Variants in ICOS observed in about 807,000 individuals in gnomAD.
ICOS encodes inducible T cell costimulator.
In ICOS, 15 loss-of-function variants were observed where a neutral mutation model predicts 24.6. The ratio of observed to expected loss-of-function variants is 0.61; its 90% CI spans 0.41 to 0.94. The LOEUF (loss-of-function observed/expected upper bound fraction) is 0.94, where lower values mean the gene tolerates loss of function less well. Ranked by LOEUF, ICOS falls within the 40% of genes least tolerant of loss-of-function variation. ICOS has a pLI of 0.00. For missense variants in ICOS, 200 were observed against 233.0 expected, an observed-to-expected ratio of 0.86 and a Z score of 0.92; for synonymous variants, 89 against 77.5, an observed-to-expected ratio of 1.15 and a Z score of -0.78.
rs1268039346 is a variant in ICOS at position 203,957,753 on chromosome 2, TGGA to T, written c.502-44_502-42del. The stretch of plus-strand genomic sequence containing the variant: ...AGAAAACAGTCAAAAAACAAAGAGA[TGGA>T]GAAGAAAAGATGACCAAGCATGTTT... On this transcript the variant is annotated intron_variant, in intron 3 of 4. Coordinates refer to ENST00000316386, the MANE Select transcript of ICOS (RefSeq NM_012092.4). 3 of 1,356,760 alleles carry T rather than the reference TGGA, an allele frequency of 2.2e-6. No individual in the cohort carries two copies. The Admixed American group carries it at 5.0e-5, about 23-fold the overall frequency. The allele number at this position is 1,356,760 out of a possible 1,614,324, so 84.0% of individuals were successfully genotyped here.
chr2:203,946,309 G>A (rs558000248), intron 1 of ICOS, among the ~76,000 whole-genome samples: 55 of 151,700 alleles, frequency 3.6e-4, no homozygotes, highest in Middle Eastern at 3.5e-3. Flanking sequence ...GGGTTGTTTT[G>A]TACCCCCTAT....
chr2:203,945,511 A>G (rs1490664856), intron 1 of ICOS, among the ~76,000 whole-genome samples: 5 of 152,146 alleles, frequency 3.3e-5, no homozygotes, highest in African/African-American at 9.7e-5. Context: ...TGTTGTGTGA[A>G]CATCATCGAG....
Position 203,956,653 on chromosome 2 carries a change from A to G in ICOS, c.395-6A>G. The G allele has an allele frequency of 6.2e-7, 1 of 1,607,200 alleles. No homozygotes were observed. Among genetic ancestry groups the G allele is most frequent in the Non-Finnish European group, 8.5e-7 (1 of 1,173,892 alleles). On this transcript the variant is annotated splice_polypyrimidine_tract_variant and splice_region_variant and intron_variant, in intron 2 of 4. Transcript: ENST00000316386. ...TTTCATTAACATACCTTTTTTTCCA[A>G]TCCAGAATCACAACTTTGTTGCCAG...
rs75219416 is a variant in ICOS at position 203,941,184 on chromosome 2, T to G, written c.58+4312T>G. On this transcript the variant is annotated intron_variant, in intron 1 of 4. Coordinates refer to ENST00000316386, the MANE Select transcript of ICOS (RefSeq NM_012092.4). ...GCTTTATTCTTCATTTCAGTCATTT[T>G]TTTCCTAGTATTTGTTTAATCATAC... is the stretch of plus-strand genomic sequence containing the variant. Among the ~76,000 whole-genome samples the G allele has an allele frequency of 8.8e-3, 1,335 of 152,320 alleles. 25 individuals carry two copies. The highest frequency in any genetic ancestry group is 0.029 in the African/African-American group (1,211 of 41,558).
chr2:203,959,284 G>T (rs1273155872), intron 4 of ICOS, among the ~76,000 whole-genome samples: 1 of 152,182 alleles, frequency 6.6e-6, no homozygotes. Flanking sequence ...AGAACAGTCA[G>T]CCCATGCAGC....
In ICOS at chr2:203,960,603, C is replaced by G. The variant is rs866710563; in HGVS notation, c.*1004C>G. The G allele has an allele frequency of 5.9e-5, 9 of 152,314 alleles. No homozygotes were observed. Among genetic ancestry groups the G allele is most frequent in the Middle Eastern group, 3.4e-3 (1 of 294 alleles). 9.4% of individuals were successfully genotyped at this position (152,314 alleles called of 1,614,324 possible). ...ATATTAAAATTGCAAACAAAATCAT[C>G]TTTAATGGGCCAGCATTCTCATGGG... On this transcript the variant is annotated 3_prime_UTR_variant, in exon 5 of 5. Transcript: ENST00000316386.
intron 1 of ICOS, among the ~76,000 whole-genome samples, chr2:203,944,009 C>T (rs569441330): frequency 6.6e-6 from 1 of 152,262 alleles, no homozygotes; most frequent in South Asian, 2.1e-4. Context: ...CTAACCGCCC[C>T]AAGTCTGTTT....
chr2:203,956,669 T>C lies in ICOS; in HGVS notation c.405T>C (p.Leu135=). ...TTTTTTCCAATCCAGAATCACAACTTTGTTGCCAGCTGAAGTTCTGGTTAC... is the reference window on the plus strand; with the variant it reads ...TTTTTTCCAATCCAGAATCACAACTCTGTTGCCAGCTGAAGTTCTGGTTAC... ...GGYLHIYESQ[L]CCQLKFWLPI... The change falls in exon 3 of 5, where the codon CTT becomes CTC. Residue 135 remains leucine, a synonymous_variant. Transcript: ENST00000316386. 6.2e-7 allele frequency: 1 copy of C among 1,612,926 alleles called. No homozygotes were observed. The highest frequency in any genetic ancestry group is 8.5e-7 in the Non-Finnish European group (1 of 1,178,976).
chr2:203,944,239 C>T (rs1689831363), intron 1 of ICOS, among the ~76,000 whole-genome samples: 1 of 152,206 alleles, frequency 6.6e-6, no homozygotes, highest in Non-Finnish European at 1.5e-5. Context: ...CCCTGCTCCT[C>T]TGGCCACCCT....
intron 3 of ICOS, 94 bp from the exon 4 acceptor site, chr2:203,957,705 C>T: frequency 1.1e-6 from 1 of 917,088 alleles, no homozygotes. Context: ...ATGTTTTTGT[C>T]ACATACCACT....
At chr2:203,937,933 C>A (rs981718165) in intron 1 of ICOS, among the ~76,000 whole-genome samples, 1 of 152,138 alleles carries the variant, frequency 6.6e-6, no homozygotes, top group African/African-American at 2.4e-5. Flanking sequence ...TCATGAAGTC[C>A]TTTAGCGGCA....
At chr2:203,951,771 T>G (rs533860956) in intron 1 of ICOS, among the ~76,000 whole-genome samples, 8 of 152,312 alleles carry the variant, frequency 5.3e-5, no homozygotes, top group Admixed American at 1.3e-4. Context: ...CTAAAGGAAC[T>G]GAGAACCCGT....
chr2:203,948,321 G>A (rs1689908401), intron 1 of ICOS, among the ~76,000 whole-genome samples: 1 of 152,026 alleles, frequency 6.6e-6, no homozygotes, highest in Admixed American at 6.5e-5. Flanking sequence ...ATGTAATCCT[G>A]GGCAAGATAG....
In ICOS at chr2:203,936,859, T is replaced by TA; in HGVS notation, c.48dup (p.Val17SerfsTer13). The TA allele has an allele frequency of 6.2e-7, 1 of 1,608,850 alleles. No homozygotes were observed. The highest frequency in any genetic ancestry group is 8.5e-7 in the Non-Finnish European group (1 of 1,175,768). On this transcript the variant is annotated frameshift_variant, in exon 1 of 5. Coordinates refer to ENST00000316386, the MANE Select transcript of ICOS (RefSeq NM_012092.4). LOFTEE classifies it high-confidence loss of function. ...ATTTCTTTCTCTTCTGCTTGCGCATTAAAGTTTTAACAGGTAAGTGGTGTA... is the reference window on the plus strand; with the variant it reads ...ATTTCTTTCTCTTCTGCTTGCGCATTAAAAGTTTTAACAGGTAAGTGGTGTA...
chr2:203,949,623 G>A (rs1352918188), intron 1 of ICOS, among the ~76,000 whole-genome samples: 1 of 152,178 alleles, frequency 6.6e-6, no homozygotes, highest in Non-Finnish European at 1.5e-5. Context: ...GAAGCATGAG[G>A]AGCATATCAA....
chr2:203,944,391 A>G (rs906036131), intron 1 of ICOS, among the ~76,000 whole-genome samples: 1 of 152,144 alleles, frequency 6.6e-6, no homozygotes, highest in African/African-American at 2.4e-5. Flanking sequence ...ATAAAGTCGG[A>G]AACTTCTCCA....
chr2:203,948,561 T>C lies in ICOS; in HGVS notation c.59-7075T>C, dbSNP rs537659427. On this transcript the variant is annotated intron_variant, in intron 1 of 4. Coordinates refer to ENST00000316386, the MANE Select transcript of ICOS (RefSeq NM_012092.4). ...GCAGCTTACAACACACCAGGTATTA[T>C]TGTAGATACTTGGGATGGATTTGTG... Among the ~76,000 whole-genome samples the C allele has an allele frequency of 2.6e-5, 4 of 152,346 alleles. No individual in the cohort carries two copies. The South Asian group carries it at 8.3e-4, about 32-fold the overall frequency.
chr2:203,955,982 GC>G lies in ICOS; in HGVS notation c.394+12del, dbSNP rs1180024943. ...ATTTGCATATTTATGGTAAGACATT[GC>G]TTTCATCTTCCAAACTTAAGAGTAT... On this transcript the variant is annotated intron_variant, in intron 2 of 4. Transcript: ENST00000316386. 12 of 1,570,042 alleles carry G rather than the reference GC, an allele frequency of 7.6e-6. No individual in the cohort carries two copies. Among genetic ancestry groups the G allele is most frequent in the Non-Finnish European group, 1.1e-5 (12 of 1,142,254 alleles).
intron 1 of ICOS, 100 bp downstream of exon 1, chr2:203,936,972 T>TTG: frequency 1.1e-6 from 1 of 902,818 alleles, no homozygotes; most frequent in Non-Finnish European, 1.8e-6. Context: ...ACAGTGGTTT[T>TTG]GGTTTTTGAA....
Sources: allele counts gnomAD v4.1 joint callset (sites outside exome capture counted in the v4.1 genomes callset), GRCh38; gene constraint gnomAD v4.1.1; transcripts MANE v1.5; gene names NCBI Gene and HGNC (gene_info 2026-07-23, HGNC 2026-07-21).